Variants in TMTC2 observed in about 807,000 individuals in gnomAD.
TMTC2 encodes transmembrane O-mannosyltransferase targeting cadherins 2.
In TMTC2, 43 loss-of-function variants were observed where a neutral mutation model predicts 82.4. The ratio of observed to expected loss-of-function variants is 0.52; its 90% CI spans 0.41 to 0.67. The LOEUF (loss-of-function observed/expected upper bound fraction) is 0.67. TMTC2 is among the 30% of genes least tolerant of loss of function. TMTC2 has a pLI of 0.00. For synonymous variants in TMTC2, 408 were observed against 381.9 expected, an observed-to-expected ratio of 1.07 and a Z score of -0.80; for missense variants, 919 against 1,012.4, an observed-to-expected ratio of 0.91 and a Z score of 1.25.
intron 3 of TMTC2, among the ~76,000 whole-genome samples, chr12:82,899,809 ATCC>A (rs1282409673): frequency 1.4e-5 from 2 of 140,908 alleles, no homozygotes; most frequent in African/African-American, 2.7e-5. Flanking sequence ...ATATATATAT[ATCC>A]GGAATATAGA....
chr12:82,944,224 A>G (rs1178967062), intron 4 of TMTC2, among the ~76,000 whole-genome samples: 1 of 152,204 alleles, frequency 6.6e-6, no homozygotes, highest in Non-Finnish European at 1.5e-5. Flanking sequence ...TAATATGCAT[A>G]AGAATAAATG....
chr12:82,709,198 G>A lies in TMTC2; in HGVS notation c.83+21529G>A, dbSNP rs900753577. ...GTCAAATGGTTGCAGTTTGAATGTG[G>A]TTGTCCTCAGGTAGGAAAGTCAGTG... On this transcript the variant is annotated intron_variant, in intron 1 of 11. Transcript: ENST00000321196. 7.9e-5 allele frequency among the ~76,000 whole-genome samples: 12 copies of A among 152,002 alleles called. 1 individual carries two copies. The highest frequency in any genetic ancestry group is 4.1e-4 in the South Asian group (2 of 4,824).
At chr12:82,840,088 G>T (rs151255316) in intron 1 of TMTC2, among the ~76,000 whole-genome samples, 1 of 152,186 alleles carries the variant, frequency 6.6e-6, no homozygotes, top group Non-Finnish European at 1.5e-5. Context: ...AAAAGTGCTC[G>T]CCTACAGCAT....
intron 7 of TMTC2, among the ~76,000 whole-genome samples, chr12:82,974,056 A>C (rs1214832220): frequency 6.6e-6 from 1 of 152,152 alleles, no homozygotes; most frequent in Non-Finnish European, 1.5e-5. Flanking sequence ...AAATAGTTTC[A>C]ATGTGTTCTG....
rs139677100 is a variant in TMTC2, at chr12:83,080,017, T to G, written c.2331+18186T>G. On this transcript the variant is annotated intron_variant, in intron 11 of 11. Coordinates refer to ENST00000321196, the MANE Select transcript of TMTC2 (RefSeq NM_152588.3). ...TTTAATTAGCCTTGGAAAACTTTACTAGAAACATGTGCGTGTGCTTAGTTT... is the reference window on the plus strand; with the variant it reads ...TTTAATTAGCCTTGGAAAACTTTACGAGAAACATGTGCGTGTGCTTAGTTT... 5.8e-3 allele frequency among the ~76,000 whole-genome samples: 876 copies of G among 152,316 alleles called. 8 individuals are homozygous for G. The highest frequency in any genetic ancestry group is 7.5e-3 in the Non-Finnish European group (511 of 68,006).
At chr12:82,891,509 T>C (rs375994751) in intron 2 of TMTC2, among the ~76,000 whole-genome samples, 1 of 152,036 alleles carries the variant, frequency 6.6e-6, no homozygotes, top group African/African-American at 2.4e-5. Flanking sequence ...GGTTTCTCCA[T>C]GTTGGTCAGG....
At chr12:82,729,710 T>G (rs187058477) in intron 1 of TMTC2, among the ~76,000 whole-genome samples, 193 of 152,290 alleles carry the variant, frequency 1.3e-3, no homozygotes, top group African/African-American at 4.4e-3. Flanking sequence ...TGGGGCCAGA[T>G]AGAATAAAAG....
rs1316155574 is a variant in TMTC2, at chr12:83,132,246, C to T, written c.2368C>T (p.His790Tyr). ...TTTGATGAACCTGGGAGCCATTCTG[C>T]ACCTCAATGGCAGACTCCAGAAGGC... ...AALMNLGAIL[H>Y]LNGRLQKAEA... The change falls in exon 12 of 12, where the codon CAC (histidine) becomes TAC (tyrosine). Residue 790 changes from histidine to tyrosine, a missense_variant. His to Tyr is a moderately conservative substitution (Grantham distance 83, BLOSUM62 2). Transcript: ENST00000321196. 13 of 1,613,394 alleles carry T rather than the reference C, an allele frequency of 8.1e-6. No individual in the cohort carries two copies. Among genetic ancestry groups the T allele is most frequent in the Non-Finnish European group, 1.1e-5 (13 of 1,179,788 alleles).
At chr12:83,093,595 T>C (rs143244527) in intron 11 of TMTC2, among the ~76,000 whole-genome samples, 1 of 152,322 alleles carries the variant, frequency 6.6e-6, no homozygotes, top group East Asian at 1.9e-4. Context: ...ATACCTGGTA[T>C]GGTAATCCCC....
intron 2 of TMTC2, among the ~76,000 whole-genome samples, chr12:82,865,831 C>G (rs998444831): frequency 8.9e-4 from 136 of 152,284 alleles, no homozygotes; most frequent in African/African-American, 3.2e-3. Context: ...ACAGTGCAAT[C>G]AAACTAGAAC....
chr12:82,754,979 C>T (rs1876222690), intron 1 of TMTC2, among the ~76,000 whole-genome samples: 1 of 152,218 alleles, frequency 6.6e-6, no homozygotes, highest in African/African-American at 2.4e-5. Context: ...TAATTATTTT[C>T]CAAGTGCTAT....
intron 1 of TMTC2, chr12:82,758,494 C>G (rs1447038447): frequency 6.6e-6 from 1 of 152,082 alleles, no homozygotes; most frequent in Non-Finnish European, 1.5e-5. Flanking sequence ...CTTTGAAGAA[C>G]AACTTGGCAT....
chr12:83,001,192 C>A (rs569942125), intron 8 of TMTC2, among the ~76,000 whole-genome samples: 1 of 152,230 alleles, frequency 6.6e-6, no homozygotes, highest in East Asian at 1.9e-4. Flanking sequence ...CTGGAGCAGG[C>A]TTTAGTTTCT....
At chr12:82,805,497 CTTTTTTTT>C (rs753878105) in intron 1 of TMTC2, among the ~76,000 whole-genome samples, 2,168 of 90,468 alleles carry the variant, frequency 0.024, 18 homozygotes, top group African/African-American at 0.059. Flanking sequence ...CCTCTCCCCA[CTTTTTTTT>C]TTTTTTTTTT....
chr12:82,912,807 G>A (rs1874757009), intron 3 of TMTC2, among the ~76,000 whole-genome samples: 1 of 151,912 alleles, frequency 6.6e-6, no homozygotes, highest in Non-Finnish European at 1.5e-5. Flanking sequence ...GTGTGGTGGT[G>A]CATACCTGTA....
chr12:82,694,490 A>G (rs1387129261), intron 1 of TMTC2, among the ~76,000 whole-genome samples: 1 of 152,180 alleles, frequency 6.6e-6, no homozygotes, highest in African/African-American at 2.4e-5. Flanking sequence ...AGGATATGCT[A>G]TTTGCTTATG....
intron 7 of TMTC2, among the ~76,000 whole-genome samples, chr12:82,978,938 C>G (rs931872039): frequency 6.6e-6 from 1 of 151,454 alleles, no homozygotes; most frequent in Non-Finnish European, 1.5e-5. Context: ...ATATAATGAC[C>G]CTCCTTGTCT....
intron 2 of TMTC2, among the ~76,000 whole-genome samples, chr12:82,891,200 C>T (rs1873376382): frequency 6.6e-6 from 1 of 152,136 alleles, no homozygotes; most frequent in Non-Finnish European, 1.5e-5. Context: ...AAACCATTTC[C>T]ATGCTTTCTT....
intron 11 of TMTC2, among the ~76,000 whole-genome samples, chr12:83,113,056 G>C (rs1482404956): frequency 6.6e-6 from 1 of 152,156 alleles, no homozygotes; most frequent in Non-Finnish European, 1.5e-5. Flanking sequence ...TTATTTGTGA[G>C]TATGGTTGAA....
Sources: allele counts gnomAD v4.1 joint callset (sites outside exome capture counted in the v4.1 genomes callset), GRCh38; gene constraint gnomAD v4.1.1; transcripts MANE v1.5; gene names NCBI Gene and HGNC (gene_info 2026-07-23, HGNC 2026-07-21).